Variants in NRG1 observed in about 807,000 individuals in gnomAD.
NRG1 encodes pro-neuregulin-1, membrane-bound isoform.
A neutral mutation model predicts 63.8 loss-of-function variants in NRG1; 18 were observed. The observed-to-expected ratio is 0.28, with a 90% CI of 0.19 to 0.42. NRG1 has a LOEUF of 0.42. Among genes scored for constraint, NRG1 ranks in the 10% least tolerant of loss-of-function variants. NRG1 has a pLI of 1.00. For missense variants in NRG1, 762 were observed against 814.7 expected, an observed-to-expected ratio of 0.94 and a Z score of 0.79; for synonymous variants, 302 against 301.3, an observed-to-expected ratio of 1.00 and a Z score of -0.02.
intron 1 of NRG1, among the ~76,000 whole-genome samples, chr8:31,939,770 T>A (rs1364342584): frequency 6.6e-6 from 1 of 151,300 alleles, no homozygotes; most frequent in East Asian, 1.9e-4. Context: ...ATAGCTATTC[T>A]TATATCAGAA....
At position 31,778,929 on chromosome 8, in the gene NRG1, A is replaced by T. The variant is rs1335020289; in HGVS notation, c.37+139498A>T. On this transcript the variant is annotated intron_variant, in intron 1 of 10. Transcript: ENST00000519301. ...GGTTGGAAGTTGATTTAGAAGACACATGTAACAGAAGTAACAATCTTATCA... is the reference window on the plus strand; with the variant it reads ...GGTTGGAAGTTGATTTAGAAGACACTTGTAACAGAAGTAACAATCTTATCA... Among the ~76,000 whole-genome samples, 3 of 152,220 alleles carry T rather than the reference A, an allele frequency of 2.0e-5. No homozygotes were observed. The East Asian group carries it at 5.8e-4, about 29-fold the overall frequency.
intron 1 of NRG1, among the ~76,000 whole-genome samples, chr8:32,289,420 G>A (rs1014335293): frequency 6.6e-6 from 1 of 151,086 alleles, no homozygotes; most frequent in East Asian, 1.9e-4. Flanking sequence ...ACAAATGAGG[G>A]CAGTGTTAAC....
chr8:31,990,539 G>A (rs957596159), intron 1 of NRG1, among the ~76,000 whole-genome samples: 35 of 152,142 alleles, frequency 2.3e-4, no homozygotes, highest in African/African-American at 7.5e-4. Context: ...TCACACTAAG[G>A]TGCAAAGAGT....
rs529752101 is a variant in NRG1 at position 31,840,592 on chromosome 8, ATCT to A, written c.37+201165_37+201167del. Among the ~76,000 whole-genome samples the A allele has an allele frequency of 1.5e-4, 23 of 152,114 alleles. No homozygotes were observed. The South Asian group carries it at 4.8e-3, about 32-fold the overall frequency. ...AGTTATGCGTGGTACTTGATCCATA[ATCT>A]TCTGCCCCCATGTCATAGAAGATAG... On this transcript the variant is annotated intron_variant, in intron 1 of 10. Transcript: ENST00000519301.
In NRG1 at chr8:31,813,520, T is replaced by TCTTTTCTTTTCTTTTC. The variant is rs1554540779; in HGVS notation, c.37+174089_37+174090insCTTTTCTTTTCTTTTC. Among the ~76,000 whole-genome samples, 1,034 of 116,442 alleles carry TCTTTTCTTTTCTTTTC rather than the reference T, an allele frequency of 8.9e-3. 5 individuals are homozygous for TCTTTTCTTTTCTTTTC. The highest frequency in any genetic ancestry group is 0.02 in the South Asian group (66 of 3,356). 76.4% of individuals were successfully genotyped at this position (116,442 alleles called of 152,430 possible). A position where few individuals can be genotyped will look rare whatever the true frequency, so the allele number is the denominator to read the frequency against. ...TCTTTTCTTTTCTTTTCTTTTCTTT[T>TCTTTTCTTTTCTTTTC]TTTTTTTTTTTTTGTTTTTTGAGAC... On this transcript the variant is annotated intron_variant, in intron 1 of 10. Coordinates refer to the NRG1 transcript ENST00000519301.
At chr8:32,356,482 C>CCCCCCCCCCGGCCCCCCCCCCG in intron 1 of NRG1, among the ~76,000 whole-genome samples, 1 of 131,672 alleles carries the variant, frequency 7.6e-6, no homozygotes, top group Non-Finnish European at 1.6e-5. Context: ...GGACCCCCCC[C>CCCCCCCCCCGGCCCCCCCCCCG]CCACCCGCCG....
At chr8:32,404,916 C>T (rs1447147467) in intron 1 of NRG1, among the ~76,000 whole-genome samples, 2 of 152,044 alleles carry the variant, frequency 1.3e-5, no homozygotes, top group African/African-American at 2.4e-5. Context: ...CTTCCATGTT[C>T]GCTGTGGCTG....
At chr8:31,852,936 T>G (rs1412406828) in intron 1 of NRG1, among the ~76,000 whole-genome samples, 1 of 152,096 alleles carries the variant, frequency 6.6e-6, no homozygotes, top group Non-Finnish European at 1.5e-5. Flanking sequence ...TGTGGCGTTA[T>G]TTCTGAGGGC....
At chr8:32,636,477 G>C (rs1342394363) in intron 5 of NRG1, among the ~76,000 whole-genome samples, 1 of 152,148 alleles carries the variant, frequency 6.6e-6, no homozygotes, top group African/African-American at 2.4e-5. Flanking sequence ...TGGCCTTAGG[G>C]TCCACTGACC....
rs561654870 is a variant in NRG1, at chr8:32,243,366, G to A, written c.38-352462G>A. Among the ~76,000 whole-genome samples, 9 of 151,474 alleles carry A rather than the reference G, an allele frequency of 5.9e-5. No individual in the cohort carries two copies. The East Asian group carries it at 7.8e-4, about 13-fold the overall frequency. On this transcript the variant is annotated intron_variant, in intron 1 of 10. Coordinates refer to the NRG1 transcript ENST00000519301. ...AATTGCTTGAACCCAGGAGGCAGAC[G>A]TTGCAGTGAGCTGAGATCATGCCAC...
chr8:32,142,441 C>T (rs763030886), intron 1 of NRG1, among the ~76,000 whole-genome samples: 6 of 152,098 alleles, frequency 3.9e-5, no homozygotes, highest in Admixed American at 1.3e-4. Context: ...CAATATTCGG[C>T]GTGATTATTC....
chr8:32,299,937 A>G (rs1855392040), intron 1 of NRG1, among the ~76,000 whole-genome samples: 1 of 152,200 alleles, frequency 6.6e-6, no homozygotes, highest in African/African-American at 2.4e-5. Flanking sequence ...ACTCCCTAAG[A>G]CTATTACATT....
intron 5 of NRG1, chr8:32,647,213 A>G: frequency 1.0e-6 from 1 of 985,234 alleles, no homozygotes; most frequent in East Asian, 1.1e-4. Flanking sequence ...TGCTGTTGCT[A>G]TTGTCACTAC....
At chr8:32,748,239 G>A (rs1377966308) in intron 7 of NRG1, among the ~76,000 whole-genome samples, 1 of 152,030 alleles carries the variant, frequency 6.6e-6, no homozygotes, top group African/African-American at 2.4e-5. Flanking sequence ...TCTCGAGGCA[G>A]TGATCAAAGA....
chr8:32,576,970 C>A (rs943522601), intron 1 of NRG1, among the ~76,000 whole-genome samples: 2 of 152,130 alleles, frequency 1.3e-5, no homozygotes, highest in African/African-American at 2.4e-5. Flanking sequence ...CCTGTTCCCT[C>A]CTTCCCTCCC....
At chr8:32,415,555 A>T (rs1815769636) in intron 1 of NRG1, among the ~76,000 whole-genome samples, 1 of 152,080 alleles carries the variant, frequency 6.6e-6, no homozygotes. Flanking sequence ...ATATGAAGGA[A>T]GCAGTCAGCC....
intron 5 of NRG1, among the ~76,000 whole-genome samples, chr8:32,650,681 A>G (rs1439326752): frequency 2.5e-5 from 3 of 118,938 alleles, no homozygotes; most frequent in African/African-American, 6.2e-5. Flanking sequence ...AAAAAAAAAA[A>G]GCTTACAAAG....
At chr8:32,704,434 A>T (rs1000992980) in intron 5 of NRG1, among the ~76,000 whole-genome samples, 2 of 152,248 alleles carry the variant, frequency 1.3e-5, no homozygotes, top group Admixed American at 6.5e-5. Context: ...AAGTGAAACA[A>T]CTTCTGTATA....
chr8:31,746,642 C>G (rs555015768), intron 1 of NRG1, among the ~76,000 whole-genome samples: 2 of 152,070 alleles, frequency 1.3e-5, no homozygotes, highest in East Asian at 3.9e-4. Flanking sequence ...TATGATCCAG[C>G]AATCTCACTG....
Sources: allele counts gnomAD v4.1 joint callset (sites outside exome capture counted in the v4.1 genomes callset), GRCh38; gene constraint gnomAD v4.1.1; transcripts MANE v1.5; gene names NCBI Gene and HGNC (gene_info 2026-07-23, HGNC 2026-07-21).